Variants in ROBO4 observed in about 807,000 individuals in gnomAD.
ROBO4 encodes the protein roundabout homolog 4.
ROBO4 carries 80 observed loss-of-function variants against 103.3 expected under a neutral mutation model. The observed-to-expected ratio is 0.77, with a 90% CI of 0.65 to 0.93. ROBO4 has a LOEUF of 0.93. Ranked by LOEUF, ROBO4 falls within the 40% of genes least tolerant of loss-of-function variation. The pLI, the probability that ROBO4 is intolerant of heterozygous loss-of-function variation, is 0.00. For missense variants in ROBO4, 1,333 were observed against 1,305.3 expected (o/e 1.02, Z -0.33); for synonymous variants, 504 against 529.7 (o/e 0.95, Z 0.67).
In ROBO4 at chr11:124,897,730, G is replaced by C. The variant is rs1263891437; in HGVS notation, c.66C>G (p.Ile22Met). The C allele has an allele frequency of 6.2e-7, 1 of 1,614,022 alleles. No individual in the cohort carries two copies. Among genetic ancestry groups the C allele is most frequent in the Non-Finnish European group, 8.5e-7 (1 of 1,179,900 alleles). Residue 22 changes from isoleucine to methionine, a missense_variant, in exon 1 of 18, where the codon ATC (isoleucine) becomes ATG (methionine). By Grantham distance (10) the Ile-to-Met change is conservative. Transcript: ENST00000306534. ...AGGAGAGGGAGAGCAACTCACCCAT[G>C]ATGAGCAGGAGCAGCAGAGGCAGGG... Reference protein sequence around the residue: ...RGSLPLLLLLIMGGMAQDSPP... With the variant: ...RGSLPLLLLLMMGGMAQDSPP...
rs1294359505 is a variant in ROBO4, at chr11:124,894,265, C to T, written c.1254G>A (p.Val418=). The T allele has an allele frequency of 6.2e-7, 1 of 1,613,930 alleles. No homozygotes were observed. Among genetic ancestry groups the T allele is most frequent in the Admixed American group, 1.7e-5 (1 of 59,988 alleles). ...CAGCACCAGTGACTGCAGCCACTTG[C>T]ACGCAGTAGGAGCCTGGCATATGGG... ...IATHMPGSYC[V]QVAAVTGAGA... Residue 418 remains valine, a synonymous_variant, in exon 8 of 18, where the codon GTG becomes GTA. Transcript: ENST00000306534.
chr11:124,896,346 C>T, intron 3 of ROBO4, 28 bp from the exon 4 acceptor site: 1 of 1,612,796 alleles, frequency 6.2e-7, no homozygotes, highest in Non-Finnish European at 8.5e-7. Context: ...ACTGTGAAGT[C>T]TCCTATGTGG....
rs1243475099 is a variant in ROBO4 at position 124,895,898 on chromosome 11, T to C, written c.694A>G (p.Thr232Ala). The change falls in exon 5 of 18, where the codon ACG becomes GCG. Residue 232 changes from threonine to alanine, a missense_variant. Thr to Ala is a moderately conservative substitution (Grantham distance 58). Coordinates refer to ENST00000306534, the MANE Select transcript of ROBO4 (RefSeq NM_019055.6). ...ACAGCCAGAAGCTCCACAGGCTCCGTGTAGTCCTGGGGCTCTGTGGGGAGG... is the reference window on the plus strand; with the variant it reads ...ACAGCCAGAAGCTCCACAGGCTCCGCGTAGTCCTGGGGCTCTGTGGGGAGG... ...RVSIQEPQDY[T>A]EPVELLAVRI... 1.2e-6 allele frequency: 2 copies of C among 1,613,762 alleles called. No homozygotes were observed. The highest frequency in any genetic ancestry group is 2.7e-5 in the African/African-American group (2 of 74,862).
Position 124,884,711 on chromosome 11 carries a change from G to C in ROBO4, c.*180C>G, listed in dbSNP as rs754574534. ...TCCCTGAGGGCTCCAGGTCAGCTTT[G>C]CTCTAATTTTGTTTTCATTTGTTTT... On this transcript the variant is annotated 3_prime_UTR_variant, in exon 18 of 18. Transcript: ENST00000306534. The C allele has an allele frequency of 2.9e-6, 2 of 700,348 alleles. No homozygotes were observed. The highest frequency in any genetic ancestry group is 5.0e-6 in the Non-Finnish European group (2 of 401,712). The allele number at this position is 700,348 out of a possible 1,614,324, so 43.4% of individuals were successfully genotyped here.
In ROBO4 at chr11:124,896,351, A is replaced by G. The variant is rs1028956032; in HGVS notation, c.559-33T>C. On this transcript the variant is annotated intron_variant, in intron 3 of 17. Coordinates refer to ENST00000306534, the MANE Select transcript of ROBO4 (RefSeq NM_019055.6). ...GGCCAGGTTCACTGTGAAGTCTCCTATGTGGGGAGGGGCTCTGAGCTGGGG... is the reference window on the plus strand; with the variant it reads ...GGCCAGGTTCACTGTGAAGTCTCCTGTGTGGGGAGGGGCTCTGAGCTGGGG... The G allele has an allele frequency of 3.1e-6, 5 of 1,612,290 alleles. No homozygotes were observed. The African/African-American group carries it at 4.0e-5, about 13-fold the overall frequency.
chr11:124,894,315 C>T lies in ROBO4; in HGVS notation c.1204G>A (p.Glu402Lys), dbSNP rs772735983. ...GTGGCGATTTCCAGCTGGGTCTGCT[C>T]ACCAACTACAGTCCAGTTGGCTGGT... ...LPPANWTVVG[E>K]QTQLEIATHM... Residue 402 changes from glutamate (E) to lysine (K), a missense_variant, in exon 8 of 18, where the codon GAG becomes AAG. Physicochemically the swap from Glu to Lys is moderately conservative, Grantham distance 56. Coordinates refer to ENST00000306534, the MANE Select transcript of ROBO4 (RefSeq NM_019055.6). 4 of 1,613,866 alleles carry T rather than the reference C, an allele frequency of 2.5e-6. No homozygotes were observed. In the South Asian group the frequency reaches 3.3e-5, roughly 13 times the overall value.
intron 13 of ROBO4, 41 bp from the exon 14 acceptor site, chr11:124,887,540 C>T: frequency 6.2e-7 from 1 of 1,611,608 alleles, no homozygotes; most frequent in Non-Finnish European, 8.5e-7. Flanking sequence ...GTGGCATCCC[C>T]ATCTGCTCTG....
rs1423534896 is a variant in ROBO4 at position 124,897,764 on chromosome 11, C to T, written c.32G>A (p.Gly11Asp). 2 of 1,613,768 alleles carry T rather than the reference C, an allele frequency of 1.2e-6. No homozygotes were observed. The highest frequency in any genetic ancestry group is 4.5e-5 in the East Asian group (2 of 44,858). The change falls in exon 1 of 18, where the codon GGC becomes GAC. Residue 11 changes from glycine to aspartate, a missense_variant. By Grantham distance (94) the Gly-to-Asp change is moderately conservative (BLOSUM62 -1). Transcript: ENST00000306534. The stretch of plus-strand genomic sequence containing the variant: ...GAGCAGCAGAGGCAGGGAACCCCTG[C>T]CCCCCAGGAGGCTGTCTCCTCCAGA... Reference protein sequence around the residue: MGSGGDSLLGGRGSLPLLLLL... With the variant: MGSGGDSLLGDRGSLPLLLLL...
At chr11:124,890,223 G>T (rs1394608501) in intron 12 of ROBO4, among the ~76,000 whole-genome samples, 2 of 152,194 alleles carry the variant, frequency 1.3e-5, no homozygotes, top group Non-Finnish European at 2.9e-5. Flanking sequence ...TGGTAAGAAT[G>T]CCAGCTTCGC....
chr11:124,894,956 G>A, intron 7 of ROBO4, 125 bp downstream of exon 7: 1 of 733,222 alleles, frequency 1.4e-6, no homozygotes, highest in Non-Finnish European at 2.3e-6. Flanking sequence ...CTCAGCAAAA[G>A]CAGGTTTCCT....
At position 124,896,285 on chromosome 11, in the gene ROBO4, C is replaced by G; in HGVS notation, c.592G>C (p.Glu198Gln). 6.2e-6 allele frequency: 10 copies of G among 1,614,162 alleles called. No individual in the cohort carries two copies. The highest frequency in any genetic ancestry group is 8.5e-6 in the Non-Finnish European group (10 of 1,180,026). Reference sequence around the variant, plus strand: ...ATGTAGGTCCCTTCGTCACTCTTCTCTGCTCTTGCCATCAGCAGGGACCCC... The same window carrying G: ...ATGTAGGTCCCTTCGTCACTCTTCTGTGCTCTTGCCATCAGCAGGGACCCC... ...SGGSLLMARA[E>Q]KSDEGTYMCV... Residue 198 changes from glutamate to glutamine, a missense_variant, in exon 4 of 18, where the codon GAG becomes CAG. Physicochemically the swap from Glu to Gln is conservative, Grantham distance 29. Transcript: ENST00000306534.
intron 16 of ROBO4, among the ~76,000 whole-genome samples, chr11:124,885,634 A>T (rs1298651335): frequency 4.2e-5 from 6 of 144,072 alleles, no homozygotes; most frequent in African/African-American, 1.6e-4. Context: ...TAAAATGGGG[A>T]TGGGGGATCT....
At chr11:124,887,880 A>G (rs756972175) in intron 12 of ROBO4, 40 bp from the exon 13 acceptor site, 49 of 1,518,582 alleles carry the variant, frequency 3.2e-5, no homozygotes, top group Non-Finnish European at 4.4e-5. Context: ...CCCAGGATGG[A>G]CTTTTCAGAC....
intron 10 of ROBO4, chr11:124,892,594 A>T (rs1946816870): frequency 6.4e-6 from 1 of 155,616 alleles, no homozygotes. Context: ...CTGTCAGGGT[A>T]ATGTGGAATC....
rs1946725669 is a variant in ROBO4, at chr11:124,887,068, G to A, written c.2344C>T (p.Leu782=). The A allele has an allele frequency of 2.5e-6, 4 of 1,613,924 alleles. No individual in the cohort carries two copies. The African/African-American group carries it at 5.3e-5, about 22-fold the overall frequency. Residue 782 remains leucine, a synonymous_variant, in exon 15 of 18, where the codon CTG becomes TTG. Transcript: ENST00000306534. ...PASSRLSSSS[L]SSLGEDQDSV... is the part of the protein sequence containing the mutation. ...TCTTGATCCTCCCCCAGGGATGACA[G>A]TGAGGAGCTGGACAGGCGACTGGAA... is the stretch of plus-strand genomic sequence containing the variant.
At chr11:124,886,176 A>AAAAC (rs915857526) in intron 16 of ROBO4, among the ~76,000 whole-genome samples, 29 of 152,322 alleles carry the variant, frequency 1.9e-4, no homozygotes, top group Admixed American at 7.2e-4. Context: ...AAACAAAACA[A>AAAAC]AAACAAACAA....
At chr11:124,895,315 G>T in intron 6 of ROBO4, 122 bp from the exon 7 acceptor site, 1 of 1,144,904 alleles carries the variant, frequency 8.7e-7, no homozygotes, top group Non-Finnish European at 1.3e-6. Context: ...TTGAAGCTCT[G>T]CTGGCCTGGC....
At position 124,894,325 on chromosome 11, in the gene ROBO4, AGTCCAGTTGGCTGGTGGCAGTGATGTGTT is replaced by A; in HGVS notation, c.1165_1193del (p.Asn389CysfsTer4). ...CCAGCTGGGTCTGCTCACCAACTAC[AGTCCAGTTGGCTGGTGGCAGTGATGTGTT>A]GCCCAGGCTCCAGACCTGAGGCACA... On this transcript the variant is annotated frameshift_variant, in exon 8 of 18. Transcript: ENST00000306534. LOFTEE classifies it high-confidence loss of function. 6.2e-7 allele frequency: 1 copy of A among 1,613,950 alleles called. No homozygotes were observed. The highest frequency in any genetic ancestry group is 8.5e-7 in the Non-Finnish European group (1 of 1,179,992).
chr11:124,884,645 A>G lies in ROBO4; in HGVS notation c.*246T>C. Reference sequence around the variant, plus strand: ...GTGGTGGGAGTGGATGGCACAGAGGAGAAAGCAGTGGCTAGGAGTCAGGTG... The same window carrying G: ...GTGGTGGGAGTGGATGGCACAGAGGGGAAAGCAGTGGCTAGGAGTCAGGTG... On this transcript the variant is annotated 3_prime_UTR_variant, in exon 18 of 18. Transcript: ENST00000306534. The G allele has an allele frequency of 1.7e-6, 1 of 589,824 alleles. No individual in the cohort carries two copies. The highest frequency in any genetic ancestry group is 3.0e-6 in the Non-Finnish European group (1 of 331,252). The allele number at this position is 589,824 out of a possible 1,614,324, so 36.5% of individuals were successfully genotyped here. A position where few individuals can be genotyped will look rare whatever the true frequency, so the allele number is the denominator to read the frequency against.
Sources: allele counts gnomAD v4.1 joint callset (sites outside exome capture counted in the v4.1 genomes callset), GRCh38; gene constraint gnomAD v4.1.1; transcripts MANE v1.5; gene names NCBI Gene and HGNC (gene_info 2026-07-23, HGNC 2026-07-21).